RTP2: variants seen among roughly 807,000 people sequenced by gnomAD.
The protein encoded by RTP2 is receptor-transporting protein 2.
In RTP2, 12 loss-of-function variants were observed where a neutral mutation model predicts 17.9. That is an observed-to-expected ratio of 0.67 (90% confidence interval 0.43 to 1.09). The LOEUF (loss-of-function observed/expected upper bound fraction) is 1.09, where lower values mean the gene tolerates loss of function less well. Ranked by LOEUF, RTP2 falls within the 50% of genes least tolerant of loss-of-function variation. RTP2 has a pLI of 0.00. For missense variants in RTP2, 327 were observed against 295.7 expected (o/e 1.11, Z -0.78); for synonymous variants, 126 against 117.7 (o/e 1.07, Z -0.46).
the RTP2 span, among the ~76,000 whole-genome samples, chr3:187,714,075 C>T: frequency 2.6e-5 from 4 of 152,224 alleles, no homozygotes; most frequent in East Asian, 3.9e-4. Flanking sequence ...AGGCTCTCCT[C>T]TCCGAACCTC....
chr3:187,704,679 A>G (rs773596560), upstream of RTP2, among the ~76,000 whole-genome samples: 4 of 152,234 alleles, frequency 2.6e-5, no homozygotes, highest in Non-Finnish European at 5.9e-5. Flanking sequence ...TCCGCAATTC[A>G]AAGAACCGTA....
chr3:187,712,824 A>G, the RTP2 span, among the ~76,000 whole-genome samples: 1 of 152,288 alleles, frequency 6.6e-6, no homozygotes, highest in East Asian at 1.9e-4. Context: ...TTGACCAGAA[A>G]AGTCCTTGTC....
At chr3:187,712,208 C>T in the RTP2 span, among the ~76,000 whole-genome samples, 1 of 152,090 alleles carries the variant, frequency 6.6e-6, no homozygotes, top group Non-Finnish European at 1.5e-5. Context: ...GAGTCAACTT[C>T]CTGGCTTGGA....
upstream of RTP2, among the ~76,000 whole-genome samples, chr3:187,703,742 C>T (rs1717919497): frequency 6.6e-6 from 1 of 152,170 alleles, no homozygotes; most frequent in Non-Finnish European, 1.5e-5. Context: ...GGCCTAGACC[C>T]TCGTGCCAGG....
chr3:187,698,680 T>C (rs1445509189), exon 2 of RTP2: 1 of 1,614,134 alleles, frequency 6.2e-7, no homozygotes, highest in Non-Finnish European at 8.5e-7. Context: ...TCGCTGGGCT[T>C]CCAGTGAACG....
At chr3:187,702,537 A>G (rs564796047) in exon 1 of RTP2, 11 of 458,994 alleles carry the variant, frequency 2.4e-5, no homozygotes, top group Non-Finnish European at 4.4e-5. Context: ...ATCATGTGCT[A>G]TGGTAAGTAC....
exon 1 of RTP2, chr3:187,702,245 G>A: frequency 9.9e-7 from 1 of 1,013,010 alleles, no homozygotes; most frequent in Non-Finnish European, 1.5e-6. Context: ...GCAGGACTGG[G>A]AGTAAACAGG....
chr3:187,709,176 T>C, the RTP2 span, among the ~76,000 whole-genome samples: 1 of 152,214 alleles, frequency 6.6e-6, no homozygotes, highest in Admixed American at 6.5e-5. Flanking sequence ...AGAATGTATT[T>C]GATTTTTTAA....
At chr3:187,706,737 G>A (rs1377652577), upstream of RTP2, among the ~76,000 whole-genome samples, 3 of 152,140 alleles carry the variant, frequency 2.0e-5, no homozygotes, top group African/African-American at 4.8e-5. Flanking sequence ...TGAGTAGCTG[G>A]GATCACAGAC....
upstream of RTP2, among the ~76,000 whole-genome samples, chr3:187,703,657 G>C (rs2108543637): frequency 6.6e-6 from 1 of 152,320 alleles, no homozygotes; most frequent in South Asian, 2.1e-4. Flanking sequence ...TTAGAAGCCA[G>C]TTACCAGACC....
chr3:187,698,500 A>G, exon 2 of RTP2: 1 of 1,602,654 alleles, frequency 6.2e-7, no homozygotes, highest in African/African-American at 1.3e-5. Flanking sequence ...CAGCTCCACT[A>G]AAAGAAGGCA....
At chr3:187,701,303 C>A (rs929308717) in intron 1 of RTP2, among the ~76,000 whole-genome samples, 5 of 152,164 alleles carry the variant, frequency 3.3e-5, no homozygotes, top group Non-Finnish European at 5.9e-5. Flanking sequence ...AAGAGTGGGA[C>A]CCTGGGCTCT....
exon 2 of RTP2, chr3:187,699,007 G>A (rs1292596603): frequency 6.3e-7 from 1 of 1,579,418 alleles, no homozygotes; most frequent in Non-Finnish European, 8.6e-7. Flanking sequence ...CAGGAGCAGT[G>A]GAACCTGCCG....
chr3:187,705,419 T>G (rs1301215021), upstream of RTP2, among the ~76,000 whole-genome samples: 1 of 152,202 alleles, frequency 6.6e-6, no homozygotes, highest in Non-Finnish European at 1.5e-5. Flanking sequence ...TGGGATAGAT[T>G]GTGCTGGCTT....
the RTP2 span, among the ~76,000 whole-genome samples, chr3:187,714,408 C>T: frequency 0.056 from 8,473 of 152,240 alleles, 321 homozygotes; most frequent in South Asian, 0.11. Flanking sequence ...GGCCAGAGCC[C>T]CTCAGTCAGT....
exon 2 of RTP2, chr3:187,698,900 G>A (rs759246330): frequency 3.1e-6 from 5 of 1,611,594 alleles, no homozygotes; most frequent in Non-Finnish European, 4.2e-6. Context: ...ACAGCTGCTT[G>A]AAGACGCGCA....
exon 1 of RTP2, chr3:187,701,991 C>G (rs746898240): frequency 1.2e-6 from 2 of 1,609,538 alleles, no homozygotes; most frequent in Non-Finnish European, 1.7e-6. Flanking sequence ...GCTCCAGGTA[C>G]TGCTTCCAGC....
At chr3:187,706,597 G>C (rs1717996955), upstream of RTP2, among the ~76,000 whole-genome samples, 2 of 152,094 alleles carry the variant, frequency 1.3e-5, no homozygotes, top group South Asian at 4.1e-4. Context: ...CACGCAGAGT[G>C]AATATTTCTT....
chr3:187,702,610 C>G, upstream of RTP2: 1 of 456,406 alleles, frequency 2.2e-6, no homozygotes, highest in Non-Finnish European at 4.4e-6. Flanking sequence ...TGCTTCCACA[C>G]CCCCTGATAT....
Sources: allele counts gnomAD v4.1 joint callset (sites outside exome capture counted in the v4.1 genomes callset), GRCh38; gene constraint gnomAD v4.1.1; transcripts MANE v1.5; gene names NCBI Gene and HGNC (gene_info 2026-07-23, HGNC 2026-07-21).